SPATA13: variants seen among roughly 807,000 people sequenced by gnomAD.
SPATA13 encodes spermatogenesis-associated protein 13.
A neutral mutation model predicts 104.0 loss-of-function variants in SPATA13; 50 were observed. The ratio of observed to expected loss-of-function variants is 0.48; its 90% CI spans 0.38 to 0.61. The LOEUF (loss-of-function observed/expected upper bound fraction) is 0.61, where lower values mean the gene tolerates loss of function less well. SPATA13 is among the 20% of genes least tolerant of loss of function. The pLI is 0.00. For missense variants in SPATA13, 1,524 were observed against 1,690.6 expected, an observed-to-expected ratio of 0.90 and a Z score of 1.73; for synonymous variants, 606 against 667.5, an observed-to-expected ratio of 0.91 and a Z score of 1.42.
At chr13:24,086,125 G>A (rs752902639) in intron 3 of SPATA13, among the ~76,000 whole-genome samples, 17 of 152,302 alleles carry the variant, frequency 1.1e-4, no homozygotes, top group Non-Finnish European at 1.9e-4. Flanking sequence ...AATGCCACCC[G>A]GTGAGTTTGA....
At chr13:24,124,781 G>C (rs560091359) in intron 3 of SPATA13, among the ~76,000 whole-genome samples, 1 of 152,092 alleles carries the variant, frequency 6.6e-6, no homozygotes, top group East Asian at 1.9e-4. Flanking sequence ...ATCATCAATT[G>C]TTGGTCCATT....
chr13:24,020,219 C>T (rs1419218634), intron 3 of SPATA13, among the ~76,000 whole-genome samples: 8 of 152,154 alleles, frequency 5.3e-5, no homozygotes, highest in African/African-American at 2.4e-5. Flanking sequence ...TGGTATTTTA[C>T]TTAGTTCCTT....
chr13:24,273,843 G>A (rs779670001), intron 4 of SPATA13, among the ~76,000 whole-genome samples: 17 of 152,148 alleles, frequency 1.1e-4, no homozygotes, highest in Non-Finnish European at 1.9e-4. Context: ...TGTTTGGTTG[G>A]TTTTTGTTTC....
intron 1 of SPATA13, among the ~76,000 whole-genome samples, chr13:24,190,963 C>T (rs1467176783): frequency 6.6e-6 from 1 of 152,104 alleles, no homozygotes; most frequent in Non-Finnish European, 1.5e-5. Context: ...ACTGTCTTCT[C>T]ATTTTAAGAA....
chr13:24,249,704 T>G lies in SPATA13; in HGVS notation c.1881T>G (p.Thr627=). The stretch of plus-strand genomic sequence containing the variant: ...ACGAGGACCCCCAGGCAAGCATGAC[T>G]TCTGCCAGCCCTGAAGACCAGAATG... ...RVDEDPQASM[T]SASPEDQNAP... The change falls in exon 3 of 13, where the codon ACT becomes ACG. Residue 627 remains threonine (T), a synonymous_variant. Coordinates refer to ENST00000382108, the MANE Select transcript of SPATA13 (RefSeq NM_001166271.3). 1.2e-6 allele frequency: 2 copies of G among 1,614,202 alleles called. No individual in the cohort carries two copies. The highest frequency in any genetic ancestry group is 1.7e-6 in the Non-Finnish European group (2 of 1,180,028).
intron 2 of SPATA13, among the ~76,000 whole-genome samples, chr13:23,994,614 C>T (rs1471633593): frequency 6.6e-6 from 1 of 152,206 alleles, no homozygotes; most frequent in Non-Finnish European, 1.5e-5. Flanking sequence ...TTAATGACCA[C>T]ACGTGGGACA....
chr13:24,271,037 T>TCA, intron 4 of SPATA13: 15 of 702,142 alleles, frequency 2.1e-5, no homozygotes, highest in African/African-American at 3.6e-5. Flanking sequence ...TCTCTCTCTC[T>TCA]CTCACTCTCT....
At chr13:24,129,878 G>A (rs1365245433) in intron 3 of SPATA13, among the ~76,000 whole-genome samples, 1 of 152,332 alleles carries the variant, frequency 6.6e-6, no homozygotes, top group East Asian at 1.9e-4. Context: ...TGGGACAAGG[G>A]TGGGGGATTA....
At chr13:24,093,941 C>G (rs1433609632) in intron 3 of SPATA13, among the ~76,000 whole-genome samples, 4 of 138,890 alleles carry the variant, frequency 2.9e-5, no homozygotes, top group African/African-American at 1.0e-4. Context: ...TCAGGCCTCT[C>G]CCCGTCCCGG....
intron 7 of SPATA13, among the ~76,000 whole-genome samples, chr13:24,288,525 A>G (rs1394198151): frequency 6.6e-6 from 1 of 152,176 alleles, no homozygotes; most frequent in Non-Finnish European, 1.5e-5. Flanking sequence ...CCACAGATTG[A>G]TGCTGTCCAT....
intron 3 of SPATA13, among the ~76,000 whole-genome samples, chr13:24,119,139 C>G (rs1165364947): frequency 6.6e-6 from 1 of 152,058 alleles, no homozygotes; most frequent in Non-Finnish European, 1.5e-5. Flanking sequence ...GATCTCCTGA[C>G]CTTGTGATCT....
At position 24,215,621 on chromosome 13, in the gene SPATA13, A is replaced by T. The variant is rs144804621; in HGVS notation, c.-111-7198A>T. ...GCAGCAAAAATAAAATGCAACACACATATATGCTCTTACACACAGTTATTA... is the reference window on the plus strand; with the variant it reads ...GCAGCAAAAATAAAATGCAACACACTTATATGCTCTTACACACAGTTATTA... On this transcript the variant is annotated intron_variant, in intron 1 of 12. Coordinates refer to ENST00000382108, the MANE Select transcript of SPATA13 (RefSeq NM_001166271.3). Among the ~76,000 whole-genome samples, 10 of 152,322 alleles carry T rather than the reference A, an allele frequency of 6.6e-5. No individual in the cohort carries two copies. The East Asian group carries it at 1.9e-3, about 29-fold the overall frequency.
In SPATA13 at chr13:24,099,439, C is replaced by T. The variant is rs548206624; in HGVS notation, c.-112+81738C>T. Among the ~76,000 whole-genome samples the T allele has an allele frequency of 3.3e-5, 5 of 152,334 alleles. No individual in the cohort carries two copies. In the East Asian group the frequency reaches 7.7e-4, roughly 23 times the overall value. ...GTTCCTCAGTCTCAGTGGCCACATTCCAAGTCGTCAGTGGCCACGCACACT... is the reference window on the plus strand; with the variant it reads ...GTTCCTCAGTCTCAGTGGCCACATTTCAAGTCGTCAGTGGCCACGCACACT... On this transcript the variant is annotated intron_variant, in intron 3 of 14. Coordinates refer to the SPATA13 transcript ENST00000424834.
chr13:23,993,562 C>A (rs542862812), intron 2 of SPATA13, among the ~76,000 whole-genome samples: 2 of 152,212 alleles, frequency 1.3e-5, no homozygotes, highest in Non-Finnish European at 2.9e-5. Flanking sequence ...AGGACGTTCT[C>A]GGCCCAGCAC....
At chr13:24,219,088 T>A (rs1483322014) in intron 1 of SPATA13, among the ~76,000 whole-genome samples, 1 of 151,956 alleles carries the variant, frequency 6.6e-6, no homozygotes, top group Non-Finnish European at 1.5e-5. Context: ...AATATTCCTA[T>A]CTGAAATTCT....
rs1877526835 is a variant in SPATA13, at chr13:24,305,568, T to A, written c.*2795T>A. The stretch of plus-strand genomic sequence containing the variant: ...CTTCCTTCCTGATTTGAGTCACGTG[T>A]TCCACTTGGAAAGAAAGGGAACAGA... On this transcript the variant is annotated 3_prime_UTR_variant, in exon 13 of 13. Transcript: ENST00000382108. 5 of 152,342 alleles carry A rather than the reference T, an allele frequency of 3.3e-5. No homozygotes were observed. The highest frequency in any genetic ancestry group is 3.3e-4 in the Admixed American group (5 of 15,296). 9.4% of individuals were successfully genotyped at this position (152,342 alleles called of 1,614,324 possible). A position where few individuals can be genotyped will look rare whatever the true frequency, so the allele number is the denominator to read the frequency against.
chr13:24,154,752 G>A (rs1390980646), intron 3 of SPATA13, among the ~76,000 whole-genome samples: 8 of 152,166 alleles, frequency 5.3e-5, no homozygotes, highest in Non-Finnish European at 1.2e-4. Flanking sequence ...AGTTGGGCTG[G>A]GCTGTGTTCT....
intron 2 of SPATA13, among the ~76,000 whole-genome samples, chr13:23,987,079 G>GTGCCCAGAGTAGCCT (rs367986400): frequency 2.0e-5 from 3 of 150,648 alleles, no homozygotes; most frequent in Admixed American, 6.6e-5. Flanking sequence ...CATAGGCAGT[G>GTGCCCAGAGTAGCCT]GATTGATATT....
At position 24,046,038 on chromosome 13, in the gene SPATA13, T is replaced by G. The variant is rs183438190; in HGVS notation, c.-112+28337T>G. ...CTACCTTGTAAAAAATACAAAGCAT[T>G]GCATGTTCTGTTTCATAATAAATGC... On this transcript the variant is annotated intron_variant, in intron 3 of 14. Transcript: ENST00000424834. 1.2e-4 allele frequency among the ~76,000 whole-genome samples: 19 copies of G among 152,352 alleles called. No homozygotes were observed. The East Asian group carries it at 3.3e-3, about 26-fold the overall frequency.
Sources: gnomAD v4.1 joint callset for allele counts (sites outside exome capture counted in the v4.1 genomes callset) on GRCh38, gnomAD v4.1.1 for gene constraint, MANE v1.5 for transcripts, NCBI Gene and HGNC (gene_info 2026-07-23, HGNC 2026-07-21) for gene names.